PARD3B: variants seen among roughly 807,000 people sequenced by gnomAD.
The protein encoded by PARD3B is partitioning defective 3 homolog B.
In PARD3B, 103 loss-of-function variants were observed where a neutral mutation model predicts 130.2. The observed-to-expected ratio is 0.79, with a 90% CI of 0.67 to 0.93. The LOEUF (loss-of-function observed/expected upper bound fraction) is 0.93. Ranked by LOEUF, PARD3B falls within the 40% of genes least tolerant of loss-of-function variation. The pLI is 0.00. For missense variants in PARD3B, 1,609 were observed against 1,499.2 expected (o/e 1.07, Z -1.21); for synonymous variants, 583 against 553.2 (o/e 1.05, Z -0.76).
intron 21 of PARD3B, among the ~76,000 whole-genome samples, chr2:205,529,467 G>C (rs1553538082): frequency 6.6e-6 from 1 of 152,098 alleles, no homozygotes; most frequent in Non-Finnish European, 1.5e-5. Flanking sequence ...GTGTTCTTCT[G>C]TAGGAATCAC....
chr2:205,150,821 G>A (rs1372662532), intron 10 of PARD3B, among the ~76,000 whole-genome samples: 1 of 152,200 alleles, frequency 6.6e-6, no homozygotes, highest in East Asian at 1.9e-4. Flanking sequence ...TGAACTCACA[G>A]AGTAGAATGG....
chr2:205,045,214 A>G (rs555211927), intron 3 of PARD3B, among the ~76,000 whole-genome samples: 1 of 150,388 alleles, frequency 6.6e-6, no homozygotes, highest in South Asian at 2.1e-4. Context: ...TTGATTGAAT[A>G]CACAAACCTG....
At chr2:204,788,475 ATAT>A (rs1370516288) in intron 2 of PARD3B, among the ~76,000 whole-genome samples, 1 of 152,226 alleles carries the variant, frequency 6.6e-6, no homozygotes, top group Non-Finnish European at 1.5e-5. Flanking sequence ...TATTTTGAAG[ATAT>A]TATAAGCCAC....
At chr2:205,566,750 G>T (rs1259092377) in intron 22 of PARD3B, among the ~76,000 whole-genome samples, 1 of 152,174 alleles carries the variant, frequency 6.6e-6, no homozygotes, top group African/African-American at 2.4e-5. Context: ...TATCAGGGGT[G>T]ATGATGTAAT....
In PARD3B at chr2:204,728,697, A is replaced by G. The variant is rs1329899349; in HGVS notation, c.222+42415A>G. Among the ~76,000 whole-genome samples the G allele has an allele frequency of 2.0e-5, 3 of 152,198 alleles. No homozygotes were observed. The East Asian group carries it at 5.8e-4, about 29-fold the overall frequency. On this transcript the variant is annotated intron_variant, in intron 2 of 22. Transcript: ENST00000406610. ...TCTTCCCTATTTTTCAAATGGGAAA[A>G]TCATTTTAAAACAGTGAGTTGCATA...
chr2:204,553,624 A>ATGGC (rs1167746530), intron 1 of PARD3B, among the ~76,000 whole-genome samples: 52 of 79,034 alleles, frequency 6.6e-4, no homozygotes, highest in South Asian at 1.2e-3. Context: ...CTATATACAT[A>ATGGC]TATATGGATA....
At chr2:205,173,733 A>T (rs1000796898) in intron 12 of PARD3B, among the ~76,000 whole-genome samples, 1 of 152,186 alleles carries the variant, frequency 6.6e-6, no homozygotes, top group African/African-American at 2.4e-5. Flanking sequence ...TGTCTGCTTA[A>T]GTGACAGTGT....
chr2:204,873,440 T>G (rs761122428), intron 2 of PARD3B, among the ~76,000 whole-genome samples: 2 of 152,186 alleles, frequency 1.3e-5, no homozygotes, highest in East Asian at 3.8e-4. Context: ...TCCCCAGCCA[T>G]TCATTATTCA....
chr2:205,259,177 C>A, intron 16 of PARD3B, among the ~76,000 whole-genome samples: 1 of 152,120 alleles, frequency 6.6e-6, no homozygotes, highest in Non-Finnish European at 1.5e-5. Context: ...GTTCAGACTT[C>A]TCCAAGTATT....
chr2:205,503,653 C>T (rs1049904219), intron 21 of PARD3B, among the ~76,000 whole-genome samples: 4 of 151,350 alleles, frequency 2.6e-5, no homozygotes, highest in African/African-American at 4.9e-5. Flanking sequence ...CTTGGCAATG[C>T]GGGCTCTTTT....
chr2:204,880,664 A>AAAAAAAAAAAAAAAAAAAT, intron 2 of PARD3B, among the ~76,000 whole-genome samples: 1 of 150,890 alleles, frequency 6.6e-6, no homozygotes, highest in Admixed American at 6.6e-5. Flanking sequence ...TCTCAAAAAA[A>AAAAAAAAAAAAAAAAAAAT]AAAAAAAAAA....
chr2:204,641,230 T>C (rs1402783303), intron 1 of PARD3B, among the ~76,000 whole-genome samples: 1 of 149,798 alleles, frequency 6.7e-6, no homozygotes, highest in Non-Finnish European at 1.5e-5. Flanking sequence ...GTATATATAA[T>C]AAGTATATAT....
intron 2 of PARD3B, among the ~76,000 whole-genome samples, chr2:204,696,584 A>G (rs1343259886): frequency 1.6e-4 from 24 of 152,060 alleles, no homozygotes; most frequent in Admixed American, 1.5e-3. Context: ...ATTCTATATA[A>G]ACCGCTTGTA....
At chr2:205,468,033 T>C (rs1441886755) in intron 20 of PARD3B, among the ~76,000 whole-genome samples, 1 of 152,226 alleles carries the variant, frequency 6.6e-6, no homozygotes. Context: ...AACCTCCAAG[T>C]GGGCTGAGCT....
intron 2 of PARD3B, among the ~76,000 whole-genome samples, chr2:204,889,476 A>G (rs1575223248): frequency 1.3e-5 from 2 of 152,210 alleles, no homozygotes; most frequent in East Asian, 3.8e-4. Context: ...TCAATTTATT[A>G]AGAATGAAGC....
chr2:204,791,540 G>T (rs1231973634), intron 2 of PARD3B, among the ~76,000 whole-genome samples: 1 of 152,168 alleles, frequency 6.6e-6, no homozygotes, highest in Non-Finnish European at 1.5e-5. Flanking sequence ...TTAGGTATTG[G>T]ATGAATCTCA....
rs141718422 is a variant in PARD3B, at chr2:205,169,514, G to A, written c.1621-2697G>A. Among the ~76,000 whole-genome samples the A allele has an allele frequency of 2.7e-3, 407 of 152,254 alleles. 2 individuals are homozygous for A. Among genetic ancestry groups the A allele is most frequent in the African/African-American group, 9.4e-3 (389 of 41,542 alleles). ...CTGTTATCTACCTCTTCACTCTGAC[G>A]TTGTCTCATACTTCACAGAAAAGGT... On this transcript the variant is annotated intron_variant, in intron 11 of 22. Coordinates refer to ENST00000406610, the MANE Select transcript of PARD3B (RefSeq NM_001302769.2).
At chr2:205,516,894 TG>T (rs1443795248) in intron 21 of PARD3B, among the ~76,000 whole-genome samples, 1 of 152,138 alleles carries the variant, frequency 6.6e-6, no homozygotes, top group Non-Finnish European at 1.5e-5. Context: ...TAATATTGGT[TG>T]TATGTTTGTC....
chr2:205,143,455 A>G (rs1484922386), intron 10 of PARD3B, among the ~76,000 whole-genome samples: 2 of 152,222 alleles, frequency 1.3e-5, no homozygotes, highest in African/African-American at 4.8e-5. Context: ...GGAAGAAAGA[A>G]GTCCTGCTCA....
Sources: gnomAD v4.1 joint callset for allele counts (sites outside exome capture counted in the v4.1 genomes callset) on GRCh38, gnomAD v4.1.1 for gene constraint, MANE v1.5 for transcripts, NCBI Gene and HGNC (gene_info 2026-07-23, HGNC 2026-07-21) for gene names.